The following CINP variants were observed in gnomAD, a reference collection of about 807,000 sequenced individuals.
The protein encoded by CINP is cyclin-dependent kinase 2-interacting protein.
Under a neutral mutation model 20.5 loss-of-function variants are expected in CINP, and 11 were observed. That is an observed-to-expected ratio of 0.54 (90% CI 0.34 to 0.89). The LOEUF is 0.89. Ranked by LOEUF, CINP falls within the 40% of genes least tolerant of loss-of-function variation. The pLI, the probability that CINP is intolerant of heterozygous loss-of-function variation, is 0.02. For missense variants in CINP, 213 were observed against 251.0 expected (o/e 0.85, Z 1.02); for synonymous variants, 108 against 102.1 (o/e 1.06, Z -0.35).
chr14:102,348,852 A>G (rs1886804945), intron 4 of CINP, 93 bp from the exon 5 acceptor site: 1 of 1,199,838 alleles, frequency 8.3e-7, no homozygotes, highest in African/African-American at 1.5e-5. Context: ...TTGATTAAAA[A>G]CCAGAATCAG....
chr14:102,349,710 C>T (rs1886822601), intron 4 of CINP, among the ~76,000 whole-genome samples: 1 of 152,146 alleles, frequency 6.6e-6, no homozygotes, highest in African/African-American at 2.4e-5. Flanking sequence ...GCTTGCTTCA[C>T]GGGTCTCTAT....
At chr14:102,362,693 C>A (rs1362175606) in intron 1 of CINP, 152 bp downstream of exon 1, 1 of 1,018,472 alleles carries the variant, frequency 9.8e-7, no homozygotes, top group Non-Finnish European at 1.5e-6. Context: ...GCAGAGGCTG[C>A]GAGGGGCCTG....
At chr14:102,348,856 G>A (rs1222024121) in intron 4 of CINP, 97 bp from the exon 5 acceptor site, 5 of 1,143,858 alleles carry the variant, frequency 4.4e-6, no homozygotes, top group Non-Finnish European at 6.3e-6. Flanking sequence ...TTAAAAACCA[G>A]AATCAGCAAC....
At chr14:102,361,280 A>G (rs1304065077) in intron 1 of CINP, among the ~76,000 whole-genome samples, 1 of 152,232 alleles carries the variant, frequency 6.6e-6, no homozygotes. Flanking sequence ...GTGTGCTGGA[A>G]TGAAATAGAC....
Position 102,359,510 on chromosome 14 carries a change from C to T in CINP, c.85G>A (p.Asp29Asn). The change falls in exon 2 of 5, where the codon GAT (aspartate) becomes AAT (asparagine). Residue 29 changes from aspartate (D) to asparagine (N), a missense_variant. Coordinates refer to ENST00000216756, the MANE Select transcript of CINP (RefSeq NM_032630.3). ...CACTTCAGGATTAAATTGTGCCAAT[C>T]AGCCGCATTGTCCTTAATTTTTCTT... ...SARKIKDNAA[D>N]WHNLILKWET... 1 of 1,613,416 alleles carries T rather than the reference C, an allele frequency of 6.2e-7. No homozygotes were observed. Among genetic ancestry groups the T allele is most frequent in the Non-Finnish European group, 8.5e-7 (1 of 1,179,630 alleles).
chr14:102,350,118 G>T, intron 3 of CINP, 70 bp from the exon 4 acceptor site: 1 of 1,418,016 alleles, frequency 7.1e-7, no homozygotes, highest in South Asian at 1.2e-5. Flanking sequence ...ATAACTCTAA[G>T]ATTTCAAAGC....
intron 4 of CINP, 125 bp downstream of exon 4, chr14:102,349,794 C>T: frequency 1.7e-6 from 2 of 1,168,470 alleles, no homozygotes; most frequent in Non-Finnish European, 2.5e-6. Context: ...GTCTCCTTTC[C>T]TCCCGATACT....
chr14:102,355,193 T>C (rs1886968903), intron 3 of CINP, among the ~76,000 whole-genome samples: 3 of 152,082 alleles, frequency 2.0e-5, no homozygotes, highest in African/African-American at 7.2e-5. Flanking sequence ...GTAGCTGAGA[T>C]AGAGACTGGC....
Position 102,359,572 on chromosome 14 carries a change from G to A in CINP, c.23C>T (p.Thr8Ile), listed in dbSNP as rs572825595. Residue 8 changes from threonine to isoleucine, a missense_variant, in exon 2 of 5, where the codon ACT becomes ATT. Thr to Ile is a moderately conservative substitution (Grantham distance 89). Coordinates refer to ENST00000216756, the MANE Select transcript of CINP (RefSeq NM_032630.3). ...TAAGACAGGTTTTCTGGGCGTTACA[G>A]TTCCAAGAGTCTTTGCTGATAGGGT... Reference protein sequence around the residue: MEAKTLGTVTPRKPVLSV... With the variant: MEAKTLGIVTPRKPVLSV... 8.7e-6 allele frequency: 14 copies of A among 1,609,364 alleles called. No individual in the cohort carries two copies. The South Asian group carries it at 1.6e-4, about 18-fold the overall frequency.
At chr14:102,350,704 C>T (rs935151012) in intron 3 of CINP, among the ~76,000 whole-genome samples, 3 of 151,452 alleles carry the variant, frequency 2.0e-5, no homozygotes, top group South Asian at 2.1e-4. Context: ...CAAATGAGCT[C>T]GTTTCTGATG....
At chr14:102,356,046 G>A (rs543453819) in intron 2 of CINP, 149 bp from the exon 3 acceptor site, 1 of 832,482 alleles carries the variant, frequency 1.2e-6, no homozygotes, top group Non-Finnish European at 1.8e-6. Context: ...TGATACAAAT[G>A]CAGTTATTAT....
At position 102,358,654 on chromosome 14, in the gene CINP, C is replaced by G. The variant is rs979159580; in HGVS notation, c.176+765G>C. On this transcript the variant is annotated intron_variant, in intron 2 of 4. Coordinates refer to ENST00000216756, the MANE Select transcript of CINP (RefSeq NM_032630.3). ...CAAGATCACGCCATTGCACTCCAGC[C>G]TGGGGGATAGAGTGAGACTCGTCTC... Among the ~76,000 whole-genome samples, 51 of 151,760 alleles carry G rather than the reference C, an allele frequency of 3.4e-4. 2 individuals are homozygous for G. The highest frequency in any genetic ancestry group is 1.5e-5 in the Non-Finnish European group (1 of 67,968).
In CINP at chr14:102,351,599, T is replaced by C. The variant is rs904676739; in HGVS notation, c.307-1551A>G. 2.6e-5 allele frequency among the ~76,000 whole-genome samples: 4 copies of C among 152,088 alleles called. No homozygotes were observed. Among genetic ancestry groups the C allele is most frequent in the Non-Finnish European group, 1.5e-5 (1 of 67,994 alleles). On this transcript the variant is annotated intron_variant, in intron 3 of 4. Transcript: ENST00000216756. This position sits in a 1 kb window ranked among gnomAD's most constrained non-coding sequence, Gnocchi z 4.2. ...GAAAAAGGGGAAATAAGAAAAGATA[T>C]ATAAATTGTCAAATATCTTAATTCC...
At chr14:102,350,383 CT>C (rs560628640) in intron 3 of CINP, among the ~76,000 whole-genome samples, 3,303 of 140,544 alleles carry the variant, frequency 0.024, 41 homozygotes, top group Middle Eastern at 0.034. Flanking sequence ...CTCTTGCTGC[CT>C]TTTTTTTTTT....
intron 3 of CINP, chr14:102,355,496 C>T: frequency 3.6e-6 from 1 of 279,736 alleles, no homozygotes; most frequent in South Asian, 6.4e-5. Context: ...GCCTGGGCGA[C>T]AAAGCAAGAC....
rs116290123 is a variant in CINP at position 102,353,832 on chromosome 14, T to C, written c.306+1936A>G. Among the ~76,000 whole-genome samples the C allele has an allele frequency of 4.6e-3, 687 of 150,506 alleles. 8 individuals carry two copies. Among genetic ancestry groups the C allele is most frequent in the African/African-American group, 0.016 (652 of 41,016 alleles). On this transcript the variant is annotated intron_variant, in intron 3 of 4. Transcript: ENST00000216756. ...GGCAGGGCGCCAGGGCTCACACCTG[T>C]GATCCCAGCACTTTGGGAGGCCAAG...
intron 3 of CINP, among the ~76,000 whole-genome samples, chr14:102,352,181 C>T (rs1383941298): frequency 6.6e-6 from 1 of 152,194 alleles, no homozygotes. Flanking sequence ...CCACCGCGCC[C>T]AGCCGACACC....
intron 3 of CINP, chr14:102,352,608 T>C: frequency 2.2e-6 from 1 of 447,366 alleles, no homozygotes; most frequent in Non-Finnish European, 4.5e-6. Flanking sequence ...TAAAATCAAC[T>C]TTTGGTTTTG....
At position 102,355,614 on chromosome 14, in the gene CINP, T is replaced by C. The variant is rs985192244; in HGVS notation, c.306+154A>G. On this transcript the variant is annotated intron_variant, in intron 3 of 4. Transcript: ENST00000216756. ...GGAGTGAGTGTCTAAGACAGCATCT[T>C]GGGGAACATTAAGGTTTACGCAGCA... is the stretch of plus-strand genomic sequence containing the variant. The C allele has an allele frequency of 1.5e-5, 12 of 788,494 alleles. No individual in the cohort carries two copies. The African/African-American group carries it at 1.7e-4, about 11-fold the overall frequency. 48.8% of individuals were successfully genotyped at this position (788,494 alleles called of 1,614,324 possible).
Sources: gnomAD v4.1 joint callset for allele counts (sites outside exome capture counted in the v4.1 genomes callset) on GRCh38, gnomAD v4.1.1 for gene constraint, Gnocchi (gnomAD v3.1) non-coding constraint, MANE v1.5 for transcripts, NCBI Gene and HGNC (gene_info 2026-07-23, HGNC 2026-07-21) for gene names.